The following PRKCA variants were observed in gnomAD, a reference collection of about 807,000 sequenced individuals.
PRKCA encodes the protein protein kinase C alpha.
Under a neutral mutation model 87.0 loss-of-function variants are expected in PRKCA, and 27 were observed. That is an observed-to-expected ratio of 0.31 (90% CI 0.23 to 0.43). The LOEUF (loss-of-function observed/expected upper bound fraction) is 0.43, where lower values mean the gene tolerates loss of function less well. Ranked by LOEUF, PRKCA falls within the 20% of genes least tolerant of loss-of-function variation. The probability of loss-of-function intolerance (pLI) is 1.00; values close to 1 mark genes in which losing one functional copy is unlikely to be tolerated. For missense variants in PRKCA, 518 were observed against 852.3 expected, an observed-to-expected ratio of 0.61 and a Z score of 4.88; for synonymous variants, 329 against 311.1, an observed-to-expected ratio of 1.06 and a Z score of -0.61.
intron 9 of PRKCA, among the ~76,000 whole-genome samples, chr17:66,733,740 C>A (rs1451485896): frequency 6.6e-6 from 1 of 152,122 alleles, no homozygotes; most frequent in Non-Finnish European, 1.5e-5. Flanking sequence ...TGCAGTAAGC[C>A]AAGATCATGC....
At chr17:66,668,419 TAATTACCAAGCACTGTGAATTGG>T (rs1027916133) in intron 5 of PRKCA, among the ~76,000 whole-genome samples, 26 of 152,302 alleles carry the variant, frequency 1.7e-4, no homozygotes, top group Non-Finnish European at 2.9e-4. Context: ...TCAAGATGTG[TAATTACCAAGCACTGTGAATTGG>T]AATTACCAAG....
chr17:66,800,131 G>A (rs954309558), intron 16 of PRKCA, among the ~76,000 whole-genome samples: 2 of 152,232 alleles, frequency 1.3e-5, no homozygotes, highest in East Asian at 3.8e-4. Context: ...CCCTCGGCCT[G>A]TGCCTGCCTC....
At chr17:66,676,668 G>C (rs1031683377) in intron 5 of PRKCA, 4 of 152,230 alleles carry the variant, frequency 2.6e-5, no homozygotes, top group Non-Finnish European at 5.9e-5. Context: ...AATTGCAACA[G>C]GTCACAGCCA....
chr17:66,423,625 A>C (rs750875041), intron 2 of PRKCA, among the ~76,000 whole-genome samples: 4 of 152,206 alleles, frequency 2.6e-5, no homozygotes, highest in Non-Finnish European at 5.9e-5. Flanking sequence ...CTGTTACTGA[A>C]GCCTTTAATG....
intron 2 of PRKCA, among the ~76,000 whole-genome samples, chr17:66,355,987 C>T (rs1231145465): frequency 6.6e-6 from 1 of 152,164 alleles, no homozygotes; most frequent in Non-Finnish European, 1.5e-5. Context: ...CAACCTCCGC[C>T]TCCTGGGTTC....
chr17:66,805,473 G>A lies in PRKCA; in HGVS notation c.*1436G>A, dbSNP rs1362897217. 1 of 152,276 alleles carries A rather than the reference G, an allele frequency of 6.6e-6. No individual in the cohort carries two copies. The highest frequency in any genetic ancestry group is 2.4e-5 in the African/African-American group (1 of 41,388). 9.4% of individuals were successfully genotyped at this position (152,276 alleles called of 1,614,324 possible). On this transcript the variant is annotated 3_prime_UTR_variant, in exon 17 of 17. Transcript: ENST00000413366. ...CCTTGCTTCTGTGCTTTCCCTCCCT[G>A]CACATGGGCACTGTATCAGATAGAT...
At chr17:66,757,991 C>T (rs533751901) in intron 13 of PRKCA, among the ~76,000 whole-genome samples, 1 of 152,326 alleles carries the variant, frequency 6.6e-6, no homozygotes, top group East Asian at 1.9e-4. Context: ...TTCCAAAGTG[C>T]TGGGATTACA....
intron 3 of PRKCA, among the ~76,000 whole-genome samples, chr17:66,593,286 T>C (rs896778044): frequency 4.6e-5 from 7 of 152,224 alleles, no homozygotes; most frequent in Admixed American, 4.6e-4. Context: ...TTCAGGGACC[T>C]GAGCTGCTTC....
intron 3 of PRKCA, among the ~76,000 whole-genome samples, chr17:66,610,101 GC>G (rs1326175237): frequency 2.0e-5 from 3 of 152,180 alleles, no homozygotes; most frequent in African/African-American, 7.2e-5. Flanking sequence ...GTTACCCATA[GC>G]TGATGTCCAA....
chr17:66,666,208 A>C (rs1972038843), intron 5 of PRKCA, among the ~76,000 whole-genome samples: 1 of 152,232 alleles, frequency 6.6e-6, no homozygotes, highest in Admixed American at 6.5e-5. Context: ...TCTCCCCTAC[A>C]GACAAACCTG....
intron 3 of PRKCA, among the ~76,000 whole-genome samples, chr17:66,540,470 G>A (rs889627862): frequency 3.3e-5 from 5 of 152,180 alleles, no homozygotes; most frequent in Non-Finnish European, 2.9e-5. Context: ...GACGTCTCCC[G>A]AGAGCAGGGA....
chr17:66,370,533 TTTTTTC>T (rs1430459465), intron 2 of PRKCA, among the ~76,000 whole-genome samples: 2 of 151,106 alleles, frequency 1.3e-5, no homozygotes, highest in East Asian at 1.9e-4. Flanking sequence ...TGATACTATT[TTTTTTC>T]TTTTCTTTTC....
At chr17:66,752,531 G>T (rs1323766853) in intron 13 of PRKCA, among the ~76,000 whole-genome samples, 1 of 152,170 alleles carries the variant, frequency 6.6e-6, no homozygotes, top group Non-Finnish European at 1.5e-5. Context: ...CTGGGAGGTG[G>T]GGGCTGTGGT....
At chr17:66,652,373 G>A (rs933388966) in intron 5 of PRKCA, among the ~76,000 whole-genome samples, 1 of 152,198 alleles carries the variant, frequency 6.6e-6, no homozygotes, top group African/African-American at 2.4e-5. Flanking sequence ...TTTGGGGACA[G>A]TGGGGACAGT....
In PRKCA at chr17:66,805,021, C is replaced by T. The variant is rs1975997709; in HGVS notation, c.*984C>T. 6 of 984,630 alleles carry T rather than the reference C, an allele frequency of 6.1e-6. No individual in the cohort carries two copies. The highest frequency in any genetic ancestry group is 4.8e-6 in the Non-Finnish European group (4 of 829,198). The allele number at this position is 984,630 out of a possible 1,614,324, so 61.0% of individuals were successfully genotyped here. A position where few individuals can be genotyped will look rare whatever the true frequency, so the allele number is the denominator to read the frequency against. ...TTATTTATTTAATAGGCTGCAGTGTCGCTTATGAAAGTACGATGTACAGTA... is the reference window on the plus strand; with the variant it reads ...TTATTTATTTAATAGGCTGCAGTGTTGCTTATGAAAGTACGATGTACAGTA... On this transcript the variant is annotated 3_prime_UTR_variant, in exon 17 of 17. Coordinates refer to ENST00000413366, the MANE Select transcript of PRKCA (RefSeq NM_002737.3).
chr17:66,418,542 TCTC>T (rs1270339389), intron 2 of PRKCA, among the ~76,000 whole-genome samples: 12 of 151,638 alleles, frequency 7.9e-5, no homozygotes, highest in African/African-American at 2.9e-4. Context: ...CTCAAGCAAT[TCTC>T]CTGCCTCAGC....
At chr17:66,666,635 A>G (rs913867050) in intron 5 of PRKCA, among the ~76,000 whole-genome samples, 6 of 152,220 alleles carry the variant, frequency 3.9e-5, no homozygotes, top group African/African-American at 1.4e-4. Flanking sequence ...TCACCTCATT[A>G]TGGCTCCAAA....
intron 15 of PRKCA, 78 bp downstream of exon 15, chr17:66,787,052 A>T (rs1243335230): frequency 9.0e-7 from 1 of 1,106,978 alleles, no homozygotes; most frequent in Non-Finnish European, 1.4e-6. Flanking sequence ...CACTTCTAAG[A>T]GAGATGGCAG....
At chr17:66,614,657 A>G (rs1004632603) in intron 3 of PRKCA, among the ~76,000 whole-genome samples, 2 of 152,210 alleles carry the variant, frequency 1.3e-5, no homozygotes, top group African/African-American at 4.8e-5. Context: ...ATTCATCATT[A>G]ACCTTGTGAC....
Sources: gnomAD v4.1 joint callset for allele counts (sites outside exome capture counted in the v4.1 genomes callset) on GRCh38, gnomAD v4.1.1 for gene constraint, MANE v1.5 for transcripts, NCBI Gene and HGNC (gene_info 2026-07-23, HGNC 2026-07-21) for gene names.